ENTREP2: variants seen among roughly 807,000 people sequenced by gnomAD.
ENTREP2 encodes protein ENTREP2.
chr15:29,290,272 G>A, the ENTREP2 span, among the ~76,000 whole-genome samples: 6 of 152,202 alleles, frequency 3.9e-5, no homozygotes, highest in African/African-American at 1.4e-4. Flanking sequence ...TGTTCCTTGA[G>A]TGTGCCAGGC....
the ENTREP2 span, chr15:29,136,413 G>A: frequency 6.5e-7 from 1 of 1,536,248 alleles, no homozygotes; most frequent in Non-Finnish European, 8.8e-7. Flanking sequence ...GGAGGGGGGA[G>A]CTCAGCAGGA....
the ENTREP2 span, among the ~76,000 whole-genome samples, chr15:29,378,818 T>C: frequency 6.6e-6 from 1 of 152,244 alleles, no homozygotes; most frequent in Non-Finnish European, 1.5e-5. Flanking sequence ...TCTATCTATA[T>C]CTGCCTCTAT....
chr15:29,479,244 C>T, the ENTREP2 span, among the ~76,000 whole-genome samples: 1 of 150,534 alleles, frequency 6.6e-6, no homozygotes, highest in Non-Finnish European at 1.5e-5. Flanking sequence ...GGCACCTCTC[C>T]GACCCCCGCT....
the ENTREP2 span, among the ~76,000 whole-genome samples, chr15:29,224,380 G>C: frequency 6.6e-6 from 1 of 152,146 alleles, no homozygotes; most frequent in Non-Finnish European, 1.5e-5. Context: ...CCACACTTGT[G>C]GAAGGGAACT....
chr15:29,193,622 A>C, the ENTREP2 span, among the ~76,000 whole-genome samples: 60,095 of 152,010 alleles, frequency 0.4, 12,183 homozygotes, highest in East Asian at 0.55. Context: ...TCTCCATGGT[A>C]ATGTGAGCAA....
At chr15:29,417,856 T>A in the ENTREP2 span, among the ~76,000 whole-genome samples, 1 of 152,198 alleles carries the variant, frequency 6.6e-6, no homozygotes, top group Non-Finnish European at 1.5e-5. Context: ...ACTGCTTCTT[T>A]AATTGCATTT....
chr15:29,134,858 G>A, the ENTREP2 span, among the ~76,000 whole-genome samples: 1 of 152,136 alleles, frequency 6.6e-6, no homozygotes, highest in African/African-American at 2.4e-5. Context: ...GAGCATTGGG[G>A]GTGACATCAA....
At chr15:29,434,063 A>G in the ENTREP2 span, among the ~76,000 whole-genome samples, 405 of 152,310 alleles carry the variant, frequency 2.7e-3, 2 homozygotes, top group African/African-American at 9.5e-3. Context: ...AGTACCTAGA[A>G]ACGGATGACC....
At chr15:29,509,536 G>T in the ENTREP2 span, among the ~76,000 whole-genome samples, 1 of 152,066 alleles carries the variant, frequency 6.6e-6, no homozygotes, top group East Asian at 1.9e-4. Flanking sequence ...AAACAGCATG[G>T]TACTGGTACC....
chr15:29,300,907 C>G, the ENTREP2 span, among the ~76,000 whole-genome samples: 9 of 152,206 alleles, frequency 5.9e-5, no homozygotes, highest in Non-Finnish European at 1.0e-4. Context: ...AGAACATAGT[C>G]TTAATATGCT....
the ENTREP2 span, chr15:29,123,223 C>G: frequency 1.8e-6 from 2 of 1,138,406 alleles, no homozygotes; most frequent in Non-Finnish European, 2.4e-6. Context: ...GGTGTCCCCC[C>G]CACATTTATC....
the ENTREP2 span, among the ~76,000 whole-genome samples, chr15:29,640,601 T>C: frequency 6.6e-6 from 1 of 151,472 alleles, no homozygotes; most frequent in African/African-American, 2.4e-5. Flanking sequence ...AGGTCAAGGC[T>C]GCAGTGAGAC....
At chr15:29,124,217 G>A in the ENTREP2 span, among the ~76,000 whole-genome samples, 1 of 152,202 alleles carries the variant, frequency 6.6e-6, no homozygotes, top group African/African-American at 2.4e-5. Context: ...CCCACAGGCT[G>A]GACACTGGGC....
the ENTREP2 span, among the ~76,000 whole-genome samples, chr15:29,340,456 C>T: frequency 6.6e-6 from 1 of 152,064 alleles, no homozygotes; most frequent in African/African-American, 2.4e-5. Context: ...CAGGGATGAA[C>T]AGAGGGCCAG....
the ENTREP2 span, among the ~76,000 whole-genome samples, chr15:29,475,341 G>A: frequency 1.1e-4 from 17 of 152,214 alleles, no homozygotes; most frequent in African/African-American, 3.9e-4. Context: ...CTGCCACAGC[G>A]GTCCCTGCAC....
At chr15:29,593,501 C>T in the ENTREP2 span, among the ~76,000 whole-genome samples, 3 of 152,254 alleles carry the variant, frequency 2.0e-5, no homozygotes, top group African/African-American at 7.2e-5. Context: ...ATAGGCATAC[C>T]TAGGATTTTG....
chr15:29,219,202 T>A, the ENTREP2 span, among the ~76,000 whole-genome samples: 1 of 151,336 alleles, frequency 6.6e-6, no homozygotes, highest in Non-Finnish European at 1.5e-5. Flanking sequence ...CCAAGAAACA[T>A]ATGAAAAAAT....
chr15:29,606,629 A>AT, the ENTREP2 span, among the ~76,000 whole-genome samples: 1 of 152,030 alleles, frequency 6.6e-6, no homozygotes, highest in East Asian at 1.9e-4. Flanking sequence ...GGTATAAAGC[A>AT]TTTTTCTCAA....
the ENTREP2 span, among the ~76,000 whole-genome samples, chr15:29,139,248 C>T: frequency 1.3e-5 from 2 of 152,164 alleles, no homozygotes; most frequent in African/African-American, 4.8e-5. Flanking sequence ...GAAAATGGCT[C>T]CCGTGGGCCT....
Sources: allele counts gnomAD v4.1 joint callset (sites outside exome capture counted in the v4.1 genomes callset), GRCh38; gene constraint gnomAD v4.1.1; transcripts MANE v1.5; gene names NCBI Gene and HGNC (gene_info 2026-07-23, HGNC 2026-07-21).